The following ZEB1 variants were observed in gnomAD, a reference collection of about 807,000 sequenced individuals.
The protein encoded by ZEB1 is zinc finger E-box binding homeobox 1.
In ZEB1, 21 loss-of-function variants were observed where a neutral mutation model predicts 84.9. That is an observed-to-expected ratio of 0.25 (90% CI 0.18 to 0.36). ZEB1 has a LOEUF of 0.36. Among genes scored for constraint, ZEB1 ranks in the 10% least tolerant of loss-of-function variants. The probability of loss-of-function intolerance (pLI) is 1.00; values close to 1 mark genes in which losing one functional copy is unlikely to be tolerated. For missense variants in ZEB1, 1,104 were observed against 1,330.2 expected, an observed-to-expected ratio of 0.83 and a Z score of 2.65; for synonymous variants, 420 against 471.1, an observed-to-expected ratio of 0.89 and a Z score of 1.41.
chr10:31,331,496 G>T (rs1333248675), intron 1 of ZEB1, among the ~76,000 whole-genome samples: 1 of 152,154 alleles, frequency 6.6e-6, no homozygotes, highest in Admixed American at 6.5e-5. Context: ...GAATATGATG[G>T]ATTATTGTAT....
chr10:31,492,334 A>G (rs997765841), intron 2 of ZEB1, among the ~76,000 whole-genome samples: 34 of 151,924 alleles, frequency 2.2e-4, no homozygotes, highest in Non-Finnish European at 5.0e-4. Context: ...TTAATACTTT[A>G]TTATAAAATG....
chr10:31,433,948 G>T (rs1033793711), intron 1 of ZEB1, among the ~76,000 whole-genome samples: 2 of 152,114 alleles, frequency 1.3e-5, no homozygotes, highest in Non-Finnish European at 2.9e-5. Context: ...AATAATGGAG[G>T]AAAGAAATTG....
At chr10:31,355,897 A>G (rs1208244908) in intron 1 of ZEB1, among the ~76,000 whole-genome samples, 9 of 152,142 alleles carry the variant, frequency 5.9e-5, no homozygotes, top group Admixed American at 5.9e-4. Context: ...TAAATTTTTC[A>G]TTTGAAAATC....
intron 1 of ZEB1, among the ~76,000 whole-genome samples, chr10:31,374,609 A>G (rs1221837676): frequency 2.6e-5 from 4 of 151,952 alleles, no homozygotes; most frequent in East Asian, 3.9e-4. Flanking sequence ...ATAAGTTCCT[A>G]TAAGGGTAGG....
chr10:31,481,399 C>T (rs72639512), intron 2 of ZEB1, among the ~76,000 whole-genome samples: 7,817 of 151,998 alleles, frequency 0.051, 579 homozygotes, highest in East Asian at 0.18. Context: ...ATTTAAATAC[C>T]ATTCTCCAGT....
In ZEB1 at chr10:31,527,414, C is replaced by A. The variant is rs903166593; in HGVS notation, c.*150C>A. On this transcript the variant is annotated 3_prime_UTR_variant, in exon 9 of 9. Transcript: ENST00000424869. Reference sequence around the variant, plus strand: ...AACTAAAAAAATACAAAATACAAAACACACACACACACACACACACACACA... The same window carrying A: ...AACTAAAAAAATACAAAATACAAAAAACACACACACACACACACACACACA... 4 of 199,550 alleles carry A rather than the reference C, an allele frequency of 2.0e-5. No homozygotes were observed. Among genetic ancestry groups the A allele is most frequent in the Non-Finnish European group, 2.5e-5 (3 of 118,552 alleles). The allele number at this position is 199,550 out of a possible 1,614,324, so 12.4% of individuals were successfully genotyped here. A position where few individuals can be genotyped will look rare whatever the true frequency, so the allele number is the denominator to read the frequency against.
intron 2 of ZEB1, among the ~76,000 whole-genome samples, chr10:31,476,432 A>G (rs1447913819): frequency 6.6e-6 from 1 of 152,026 alleles, no homozygotes; most frequent in Non-Finnish European, 1.5e-5. Flanking sequence ...TCCTGAACAG[A>G]CAAATTATGA....
In ZEB1 at chr10:31,508,598, A is replaced by C. The variant is rs1591978909; in HGVS notation, c.485-2075A>C. Among the ~76,000 whole-genome samples the C allele has an allele frequency of 2.0e-5, 3 of 152,222 alleles. No individual in the cohort carries two copies. The South Asian group carries it at 6.2e-4, about 32-fold the overall frequency. On this transcript the variant is annotated intron_variant, in intron 4 of 8. Coordinates refer to ENST00000424869, the MANE Select transcript of ZEB1 (RefSeq NM_001174096.2). Reference sequence around the variant, plus strand: ...GGTCATCCCCACGTCCCTGAATAGCATGCTCGGAAACTGGGGAGGAGGTAA... The same window carrying C: ...GGTCATCCCCACGTCCCTGAATAGCCTGCTCGGAAACTGGGGAGGAGGTAA...
intron 1 of ZEB1, among the ~76,000 whole-genome samples, chr10:31,403,034 T>C (rs2052357841): frequency 6.6e-6 from 1 of 152,124 alleles, no homozygotes; most frequent in African/African-American, 2.4e-5. Context: ...TAGAAGTATA[T>C]GTATATAGTA....
rs1405732858 is a variant in ZEB1 at position 31,495,780 on chromosome 10, A to G, written c.264A>G (p.Gly88=). ...TAATTTCTTCTTTGATTTCAGCAGG[A>G]AAGGAAGGGCAAGAAATCCTGGGGC... ...NAKNCWEDDT[G]KEGQEILGPE... is the part of the protein sequence containing the mutation. Residue 88 remains glycine, a synonymous_variant, in exon 3 of 9, where the codon GGA becomes GGG. Coordinates refer to ENST00000424869, the MANE Select transcript of ZEB1 (RefSeq NM_001174096.2). 1 of 1,612,734 alleles carries G rather than the reference A, an allele frequency of 6.2e-7. No homozygotes were observed. The highest frequency in any genetic ancestry group is 2.2e-5 in the East Asian group (1 of 44,818).
chr10:31,409,480 T>G (rs1299092098), intron 1 of ZEB1, among the ~76,000 whole-genome samples: 1 of 152,130 alleles, frequency 6.6e-6, no homozygotes, highest in Non-Finnish European at 1.5e-5. Context: ...CTTAGGATTG[T>G]CTTGGCTATA....
At chr10:31,479,952 AC>A (rs1385067949) in intron 2 of ZEB1, among the ~76,000 whole-genome samples, 2 of 152,144 alleles carry the variant, frequency 1.3e-5, no homozygotes, top group Admixed American at 1.3e-4. Context: ...TATTAATCTT[AC>A]AAGATCTTGT....
At chr10:31,385,677 GCCA>G in intron 1 of ZEB1, among the ~76,000 whole-genome samples, 1 of 151,986 alleles carries the variant, frequency 6.6e-6, no homozygotes, top group East Asian at 1.9e-4. Context: ...ACAGGCGCTT[GCCA>G]CCACATCCAA....
intron 2 of ZEB1, among the ~76,000 whole-genome samples, chr10:31,495,083 G>A (rs1009114960): frequency 8.6e-5 from 13 of 152,020 alleles, no homozygotes; most frequent in African/African-American, 3.1e-4. Context: ...GAGTGTGATG[G>A]AAAGTGGGCT....
intron 1 of ZEB1, among the ~76,000 whole-genome samples, chr10:31,413,197 TACA>T (rs1299296202): frequency 6.6e-6 from 1 of 152,128 alleles, no homozygotes; most frequent in Non-Finnish European, 1.5e-5. Context: ...GCCTAAAACA[TACA>T]ACATTAGTAT....
chr10:31,465,866 CT>C, intron 2 of ZEB1, among the ~76,000 whole-genome samples: 1 of 151,750 alleles, frequency 6.6e-6, no homozygotes, highest in Non-Finnish European at 1.5e-5. Context: ...ACTGACCCAA[CT>C]ACAAGCTGCC....
At chr10:31,466,321 C>T (rs1474951036) in intron 2 of ZEB1, among the ~76,000 whole-genome samples, 8 of 152,176 alleles carry the variant, frequency 5.3e-5, no homozygotes, top group Middle Eastern at 3.2e-3. Flanking sequence ...ACATTTTTCT[C>T]ACTCAAACAT....
At chr10:31,410,422 A>T (rs2054018519) in intron 1 of ZEB1, among the ~76,000 whole-genome samples, 1 of 151,892 alleles carries the variant, frequency 6.6e-6, no homozygotes. Flanking sequence ...TTTATTGAGG[A>T]TTTTTGCCCC....
At chr10:31,470,194 T>C (rs28820960) in intron 2 of ZEB1, among the ~76,000 whole-genome samples, 8,799 of 151,978 alleles carry the variant, frequency 0.058, 674 homozygotes, top group African/African-American at 0.18. Context: ...TCACCAGCAA[T>C]GGAACAAAGC....
Sources: allele counts gnomAD v4.1 joint callset (sites outside exome capture counted in the v4.1 genomes callset), GRCh38; gene constraint gnomAD v4.1.1; transcripts MANE v1.5; gene names NCBI Gene and HGNC (gene_info 2026-07-23, HGNC 2026-07-21).